Variants in NARS2 observed in about 807,000 individuals in gnomAD.
The protein encoded by NARS2 is asparaginyl-tRNA synthetase 2, mitochondrial.
NARS2 carries 60 observed loss-of-function variants against 62.9 expected under a neutral mutation model. The observed-to-expected ratio is 0.95, with a 90% CI of 0.77 to 1.18. The LOEUF is 1.18. NARS2 is among the 50% of genes most tolerant of loss of function. The pLI is 0.00. For synonymous variants in NARS2, 196 were observed against 200.0 expected (o/e 0.98, Z 0.17); for missense variants, 619 against 576.4 (o/e 1.07, Z -0.76).
intron 11 of NARS2, among the ~76,000 whole-genome samples, chr11:78,445,831 A>G (rs1345873183): frequency 6.6e-6 from 1 of 152,088 alleles, no homozygotes; most frequent in Non-Finnish European, 1.5e-5. Flanking sequence ...GTGGTGGTGC[A>G]TGCCTGTGGT....
intron 5 of NARS2, among the ~76,000 whole-genome samples, chr11:78,529,692 C>A (rs183732780): frequency 5.9e-5 from 9 of 152,264 alleles, no homozygotes; most frequent in Admixed American, 1.3e-4. Context: ...GAAAGTTACA[C>A]TTGTTTTTGT....
intron 1 of NARS2, among the ~76,000 whole-genome samples, chr11:78,572,139 G>A (rs912883063): frequency 6.6e-5 from 10 of 152,050 alleles, no homozygotes; most frequent in African/African-American, 1.7e-4. Flanking sequence ...CCAAGATCGC[G>A]CCAGTGCACT....
intron 9 of NARS2, among the ~76,000 whole-genome samples, chr11:78,475,251 C>T (rs764609695): frequency 3.0e-4 from 46 of 152,212 alleles, no homozygotes; most frequent in Non-Finnish European, 6.3e-4. Context: ...ATAAGATTTC[C>T]TTTGAATAGT....
rs540137270 is a variant in NARS2 at position 78,534,857 on chromosome 11, GA to G, written c.595-5922del. On this transcript the variant is annotated intron_variant, in intron 5 of 13. Transcript: ENST00000281038. The stretch of plus-strand genomic sequence containing the variant: ...CAAATTTCTCAATGGAAAGAGCATG[GA>G]AAAAAACCTCCATTTGTGTTAATCC... 9.3e-4 allele frequency among the ~76,000 whole-genome samples: 141 copies of G among 152,164 alleles called. 1 individual carries two copies. The highest frequency in any genetic ancestry group is 6.8e-3 in the Middle Eastern group (2 of 294).
chr11:78,504,099 G>A (rs539327905), intron 6 of NARS2, among the ~76,000 whole-genome samples: 1 of 152,290 alleles, frequency 6.6e-6, no homozygotes, highest in African/African-American at 2.4e-5. Context: ...AAACTTCTGA[G>A]ATAACTCTTT....
intron 7 of NARS2, among the ~76,000 whole-genome samples, 195 bp downstream of exon 7, chr11:78,492,868 G>A (rs577893183): frequency 6.6e-6 from 1 of 152,106 alleles, no homozygotes; most frequent in Non-Finnish European, 1.5e-5. Flanking sequence ...GGCAGAGCTG[G>A]GATATAAACT....
intron 4 of NARS2, among the ~76,000 whole-genome samples, chr11:78,565,266 G>C (rs1856705488): frequency 6.6e-6 from 1 of 152,198 alleles, no homozygotes; most frequent in Non-Finnish European, 1.5e-5. Context: ...TTTAAAATTA[G>C]TGCTTACTTT....
rs558453020 is a variant in NARS2, at chr11:78,457,262, A to T, written c.1164+8614T>A. Among the ~76,000 whole-genome samples, 5 of 152,376 alleles carry T rather than the reference A, an allele frequency of 3.3e-5. No individual in the cohort carries two copies. The East Asian group carries it at 9.6e-4, about 29-fold the overall frequency. On this transcript the variant is annotated intron_variant, in intron 11 of 13. Coordinates refer to ENST00000281038, the MANE Select transcript of NARS2 (RefSeq NM_024678.6). ...ATTTATTACCCTCTGGCCAAAAGTT[A>T]CAAGTGTAGATTAGATATTTCCCCA...
intron 6 of NARS2, among the ~76,000 whole-genome samples, chr11:78,504,427 A>G (rs1024080824): frequency 9.8e-5 from 13 of 132,954 alleles, no homozygotes; most frequent in Non-Finnish European, 2.0e-4. Context: ...CATGTGGCAA[A>G]ACACCAGTTT....
intron 5 of NARS2, among the ~76,000 whole-genome samples, chr11:78,538,647 C>T (rs1283110585): frequency 6.6e-6 from 1 of 151,984 alleles, no homozygotes; most frequent in South Asian, 2.1e-4. Flanking sequence ...TCATACCTTA[C>T]GAGAGTGGAA....
At chr11:78,519,491 T>C (rs1047989066) in intron 6 of NARS2, among the ~76,000 whole-genome samples, 6 of 152,198 alleles carry the variant, frequency 3.9e-5, no homozygotes, top group African/African-American at 1.2e-4. Context: ...TGTTATATAT[T>C]CTTCCAATCT....
At chr11:78,444,389 TA>T (rs933228585) in intron 11 of NARS2, among the ~76,000 whole-genome samples, 1 of 151,942 alleles carries the variant, frequency 6.6e-6, no homozygotes. Flanking sequence ...AGTATAAAAT[TA>T]AAAAAACAAG....
At chr11:78,522,119 ATT>A (rs59159824) in intron 6 of NARS2, among the ~76,000 whole-genome samples, 51 of 134,878 alleles carry the variant, frequency 3.8e-4, no homozygotes, top group African/African-American at 7.1e-4. Flanking sequence ...CATCCAGCTA[ATT>A]TTTTTTTTTT....
At chr11:78,537,214 A>AGT (rs1427709860) in intron 5 of NARS2, among the ~76,000 whole-genome samples, 41 of 151,912 alleles carry the variant, frequency 2.7e-4, no homozygotes, top group African/African-American at 7.3e-4. Flanking sequence ...ATGCAGAGAG[A>AGT]GTGTGTGTGT....
At chr11:78,448,017 T>C (rs892243303) in intron 11 of NARS2, among the ~76,000 whole-genome samples, 2 of 144,354 alleles carry the variant, frequency 1.4e-5, no homozygotes, top group African/African-American at 5.1e-5. Flanking sequence ...ATACATATTA[T>C]ATATTTTAAA....
chr11:78,545,677 C>A (rs1346790517), intron 5 of NARS2, among the ~76,000 whole-genome samples: 1 of 151,882 alleles, frequency 6.6e-6, no homozygotes, highest in Non-Finnish European at 1.5e-5. Context: ...GTTGTGCATG[C>A]CACTGTGGCC....
chr11:78,511,173 G>C (rs541869147), intron 6 of NARS2, among the ~76,000 whole-genome samples: 1 of 152,192 alleles, frequency 6.6e-6, no homozygotes, highest in Non-Finnish European at 1.5e-5. Context: ...GACCTCCTAG[G>C]CTCAAGTGAT....
intron 9 of NARS2, among the ~76,000 whole-genome samples, chr11:78,473,631 C>T (rs932236429): frequency 6.6e-6 from 1 of 152,190 alleles, no homozygotes; most frequent in Non-Finnish European, 1.5e-5. Context: ...TAAATTCAAA[C>T]TCTAGGCTCA....
chr11:78,469,417 G>A (rs1858771707), intron 9 of NARS2, 104 bp from the exon 10 acceptor site: 1 of 774,444 alleles, frequency 1.3e-6, no homozygotes, highest in South Asian at 1.5e-5. Flanking sequence ...ACACTGTGAG[G>A]TCATGAATAA....
Sources: allele counts gnomAD v4.1 joint callset (sites outside exome capture counted in the v4.1 genomes callset), GRCh38; gene constraint gnomAD v4.1.1; transcripts MANE v1.5; gene names NCBI Gene and HGNC (gene_info 2026-07-23, HGNC 2026-07-21).